Variants in MED13 observed in about 807,000 individuals in gnomAD.
MED13 encodes mediator complex subunit 13, also known as mediator of RNA polymerase II transcription subunit 13.
MED13 carries 23 observed loss-of-function variants against 225.2 expected under a neutral mutation model. The ratio of observed to expected loss-of-function variants is 0.10; its 90% CI spans 0.07 to 0.14. The LOEUF is 0.14. MED13 is among the 10% of genes least tolerant of loss of function. The probability of loss-of-function intolerance (pLI) is 1.00; values close to 1 mark genes in which losing one functional copy is unlikely to be tolerated. For synonymous variants in MED13, 942 were observed against 889.2 expected (o/e 1.06, Z -1.06); for missense variants, 2,197 against 2,594.5 (o/e 0.85, Z 3.33).
At chr17:62,035,260 A>T (rs2080792440) in intron 4 of MED13, among the ~76,000 whole-genome samples, 1 of 152,192 alleles carries the variant, frequency 6.6e-6, no homozygotes, top group Non-Finnish European at 1.5e-5. Flanking sequence ...TTCACGGTCA[A>T]GAATTTTTTG....
At chr17:62,045,188 C>A (rs1236541386) in intron 3 of MED13, among the ~76,000 whole-genome samples, 1 of 152,084 alleles carries the variant, frequency 6.6e-6, no homozygotes, top group Non-Finnish European at 1.5e-5. Flanking sequence ...TCACTATATA[C>A]GTAAGATACT....
intron 8 of MED13, among the ~76,000 whole-genome samples, chr17:62,020,078 T>C (rs796953622): frequency 3.9e-5 from 6 of 152,120 alleles, no homozygotes; most frequent in Non-Finnish European, 2.9e-5. Flanking sequence ...CACAACCACA[T>C]TGAGCAATCT....
chr17:62,059,806 T>C (rs2143780136), intron 2 of MED13, among the ~76,000 whole-genome samples: 1 of 152,334 alleles, frequency 6.6e-6, no homozygotes, highest in African/African-American at 2.4e-5. Context: ...AAGATACGTC[T>C]GATTTAAGTA....
chr17:62,023,029 T>G (rs999403978), intron 8 of MED13, among the ~76,000 whole-genome samples: 5 of 152,070 alleles, frequency 3.3e-5, no homozygotes, highest in African/African-American at 4.8e-5. Context: ...ATTTATGTGT[T>G]GAGAGGAGAA....
At chr17:62,019,222 C>T (rs1048087681) in intron 8 of MED13, among the ~76,000 whole-genome samples, 1 of 152,198 alleles carries the variant, frequency 6.6e-6, no homozygotes, top group Non-Finnish European at 1.5e-5. Context: ...AACTATCTTA[C>T]TACACTCAAT....
intron 2 of MED13, among the ~76,000 whole-genome samples, chr17:62,062,387 CAATAA>C (rs2081045610): frequency 6.6e-6 from 1 of 152,106 alleles, no homozygotes; most frequent in Admixed American, 6.5e-5. Flanking sequence ...GATTTGCTCA[CAATAA>C]AATTGTTTGT....
At chr17:62,036,227 TTTA>T (rs2080802417) in intron 3 of MED13, among the ~76,000 whole-genome samples, 2 of 152,086 alleles carry the variant, frequency 1.3e-5, no homozygotes, top group South Asian at 4.1e-4. Context: ...GTTTTCTCAC[TTTA>T]TTAATTAATT....
chr17:61,992,626 A>C lies in MED13; in HGVS notation c.2182-5T>G. 1.3e-6 allele frequency: 2 copies of C among 1,590,448 alleles called. No individual in the cohort carries two copies. Among genetic ancestry groups the C allele is most frequent in the South Asian group, 2.2e-5 (2 of 89,724 alleles). On this transcript the variant is annotated splice_polypyrimidine_tract_variant and splice_region_variant and intron_variant, in intron 10 of 29. Transcript: ENST00000397786. ...ACTAGATGTCCCATCTTCTACCTGC[A>C]AACAAATATTTCATGTTAGGCTGAA...
chr17:61,995,427 C>A, intron 9 of MED13, 62 bp from the exon 10 acceptor site: 1 of 1,158,414 alleles, frequency 8.6e-7, no homozygotes, highest in Non-Finnish European at 1.2e-6. Flanking sequence ...TCCAAAATGA[C>A]GTTAAGTATC....
At chr17:62,049,795 T>C (rs1003915958) in intron 3 of MED13, among the ~76,000 whole-genome samples, 2 of 151,700 alleles carry the variant, frequency 1.3e-5, no homozygotes, top group Admixed American at 1.3e-4. Context: ...CTGGGCGTGG[T>C]GGCGGGCACC....
chr17:61,954,014 C>T (rs890174011), intron 26 of MED13, among the ~76,000 whole-genome samples: 11 of 152,098 alleles, frequency 7.2e-5, no homozygotes, highest in African/African-American at 2.7e-4. Flanking sequence ...ACAATTATAG[C>T]AAGGTACTAT....
chr17:62,043,915 G>A (rs932658858), intron 3 of MED13, among the ~76,000 whole-genome samples: 14 of 151,742 alleles, frequency 9.2e-5, no homozygotes, highest in African/African-American at 3.4e-4. Context: ...AATTACCTAT[G>A]TGGCTCACAT....
At chr17:62,061,252 C>A (rs1469867519) in intron 2 of MED13, among the ~76,000 whole-genome samples, 1 of 151,918 alleles carries the variant, frequency 6.6e-6, no homozygotes, top group Non-Finnish European at 1.5e-5. Flanking sequence ...GGTGCAGGGG[C>A]TCACACTTGT....
At chr17:61,960,431 C>T (rs780103406) in intron 23 of MED13, among the ~76,000 whole-genome samples, 2 of 152,036 alleles carry the variant, frequency 1.3e-5, no homozygotes, top group Admixed American at 1.3e-4. Context: ...CCACCACACC[C>T]GGCTACATCC....
At position 62,029,888 on chromosome 17, in the gene MED13, C is replaced by T. The variant is rs769452442; in HGVS notation, c.1135G>A (p.Val379Ile). 3 of 1,613,304 alleles carry T rather than the reference C, an allele frequency of 1.9e-6. No individual in the cohort carries two copies. Among genetic ancestry groups the T allele is most frequent in the African/African-American group, 2.7e-5 (2 of 74,900 alleles). ...CTGTTCATATTGCATTCTTGCCAAA[C>T]TCTATCCACCACATGATTTGCTAAT... ...RKLANHVVDR[V>I]WQECNMNRAQ... The change falls in exon 7 of 30, where the codon GTT becomes ATT. Residue 379 changes from valine to isoleucine, a missense_variant. By Grantham distance (29) the Val-to-Ile change is conservative (BLOSUM62 3). Around this residue, in one of 12 missense-constraint regions of MED13, gnomAD observed 884 missense variants for 918.5 expected, o/e 0.96. Transcript: ENST00000397786.
At chr17:61,968,711 C>T (rs1334506226) in intron 17 of MED13, among the ~76,000 whole-genome samples, 1 of 152,124 alleles carries the variant, frequency 6.6e-6, no homozygotes, top group Non-Finnish European at 1.5e-5. Context: ...TGCCAGTGGT[C>T]AAGACTTTTC....
chr17:61,999,477 C>T (rs2080375349), intron 9 of MED13, among the ~76,000 whole-genome samples: 1 of 152,102 alleles, frequency 6.6e-6, no homozygotes, highest in South Asian at 2.1e-4. Flanking sequence ...TTCTGAAATA[C>T]ATGCTATCAT....
intron 22 of MED13, 30 bp from the exon 23 acceptor site, chr17:61,961,120 T>C (rs1055569250): frequency 3.4e-6 from 5 of 1,468,228 alleles, no homozygotes; most frequent in African/African-American, 2.8e-5. Flanking sequence ...GGTATTATCA[T>C]ACTATACAAT....
chr17:62,062,488 T>A (rs568998898), intron 2 of MED13, among the ~76,000 whole-genome samples: 2 of 152,272 alleles, frequency 1.3e-5, no homozygotes, highest in South Asian at 4.1e-4. Flanking sequence ...GAACAGTATA[T>A]GAGTCACTTT....
Sources: allele counts gnomAD v4.1 joint callset (sites outside exome capture counted in the v4.1 genomes callset), GRCh38; gene constraint gnomAD v4.1.1; regional missense constraint gnomAD v4.1.1; transcripts MANE v1.5; gene names NCBI Gene and HGNC (gene_info 2026-07-23, HGNC 2026-07-21).